Variants in NEK1 observed in about 807,000 individuals in gnomAD.
NEK1 encodes NIMA related kinase 1.
Under a neutral mutation model 182.1 loss-of-function variants are expected in NEK1, and 137 were observed. The observed-to-expected ratio is 0.75, with a 90% confidence interval of 0.65 to 0.87. NEK1 has a LOEUF of 0.87. NEK1 is among the 40% of genes least tolerant of loss of function. NEK1 has a pLI of 0.00. For synonymous variants in NEK1, 513 were observed against 492.2 expected (o/e 1.04, Z -0.56); for missense variants, 1,391 against 1,494.4 (o/e 0.93, Z 1.14).
intron 27 of NEK1, among the ~76,000 whole-genome samples, chr4:169,441,126 T>TAGGAAGGCTGCCCCTGGGAAAA (rs1216911126): frequency 6.6e-6 from 1 of 152,140 alleles, no homozygotes; most frequent in Non-Finnish European, 1.5e-5. Context: ...TGCAGCACAT[T>TAGGAAGGCTGCCCCTGGGAAAA]AGGAAGGCTG....
intron 35 of NEK1, among the ~76,000 whole-genome samples, chr4:169,398,974 G>A (rs1194468913): frequency 1.1e-4 from 16 of 152,150 alleles, no homozygotes; most frequent in Admixed American, 1.0e-3. Context: ...TTTGCCAGGT[G>A]CAGTGGCTCA....
intron 19 of NEK1, among the ~76,000 whole-genome samples, chr4:169,522,614 C>G (rs1411228701): frequency 6.6e-6 from 1 of 152,212 alleles, no homozygotes; most frequent in Non-Finnish European, 1.5e-5. Flanking sequence ...TTCCAGAGCT[C>G]CTGTTCAATC....
intron 26 of NEK1, among the ~76,000 whole-genome samples, chr4:169,473,407 C>T (rs956043536): frequency 1.3e-5 from 2 of 151,982 alleles, no homozygotes; most frequent in Non-Finnish European, 2.9e-5. Context: ...GGTACCAATA[C>T]CAATTACCTA....
At chr4:169,479,624 T>C in intron 23 of NEK1, 90 bp from the exon 24 acceptor site, 3 of 1,055,876 alleles carry the variant, frequency 2.8e-6, no homozygotes, top group African/African-American at 1.6e-5. Flanking sequence ...ATTTATCCAC[T>C]CTATCCACAA....
intron 18 of NEK1, among the ~76,000 whole-genome samples, chr4:169,541,485 A>G (rs72692918): frequency 1.3e-5 from 2 of 152,296 alleles, no homozygotes; most frequent in South Asian, 4.1e-4. Flanking sequence ...AAGAGGAAAA[A>G]TAACTACTAC....
chr4:169,497,887 T>C (rs1302815227), intron 23 of NEK1, among the ~76,000 whole-genome samples: 3 of 152,214 alleles, frequency 2.0e-5, no homozygotes, highest in South Asian at 2.1e-4. Flanking sequence ...TTCTGTTGAT[T>C]TGGGGTGGAG....
intron 19 of NEK1, among the ~76,000 whole-genome samples, chr4:169,533,969 G>T (rs1758062238): frequency 6.6e-6 from 1 of 152,182 alleles, no homozygotes; most frequent in Non-Finnish European, 1.5e-5. Flanking sequence ...GTCAAGGACA[G>T]AAAAATAGTC....
intron 2 of NEK1, among the ~76,000 whole-genome samples, chr4:169,607,509 C>T (rs1771552890): frequency 6.6e-6 from 1 of 152,058 alleles, no homozygotes; most frequent in African/African-American, 2.4e-5. Flanking sequence ...GTTGCCCAGG[C>T]TGGAGTGCAG....
At chr4:169,437,939 A>T in intron 28 of NEK1, 144 bp downstream of exon 28, 1 of 620,392 alleles carries the variant, frequency 1.6e-6, no homozygotes, top group South Asian at 3.5e-5. Flanking sequence ...AAAAAAGACC[A>T]ATAGCTAAAA....
intron 18 of NEK1, among the ~76,000 whole-genome samples, chr4:169,545,935 T>C (rs2149854384): frequency 6.6e-6 from 1 of 152,288 alleles, no homozygotes; most frequent in East Asian, 1.9e-4. Context: ...TACAAACAAA[T>C]GGAAGAACAT....
chr4:169,401,947 T>G (rs1186497083), intron 32 of NEK1, 87 bp from the exon 33 acceptor site: 14 of 1,144,508 alleles, frequency 1.2e-5, no homozygotes, highest in Non-Finnish European at 1.3e-5. Context: ...ACTGAAATTT[T>G]ACTTCTACTC....
chr4:169,600,516 T>G (rs1232563392), intron 4 of NEK1, among the ~76,000 whole-genome samples: 4 of 152,274 alleles, frequency 2.6e-5, no homozygotes, highest in Non-Finnish European at 5.9e-5. Flanking sequence ...TATTTATTTC[T>G]TATACTTTGT....
chr4:169,522,400 T>A (rs968619944), intron 19 of NEK1, among the ~76,000 whole-genome samples: 2 of 152,188 alleles, frequency 1.3e-5, no homozygotes, highest in African/African-American at 2.4e-5. Context: ...TCACACAAAT[T>A]GTGTTTTTGC....
chr4:169,599,297 C>CA (rs1449129387), intron 4 of NEK1, 100 bp from the exon 5 acceptor site: 2 of 777,100 alleles, frequency 2.6e-6, no homozygotes, highest in Middle Eastern at 2.5e-4. Context: ...AGCTGCTGAA[C>CA]AAAAAACAGG....
At chr4:169,469,933 A>G (rs1269404640) in intron 26 of NEK1, among the ~76,000 whole-genome samples, 2 of 139,102 alleles carry the variant, frequency 1.4e-5, no homozygotes, top group African/African-American at 5.3e-5. Flanking sequence ...AGAGACTAGG[A>G]TTGCAACCCC....
At chr4:169,542,678 T>G (rs1424476484) in intron 18 of NEK1, among the ~76,000 whole-genome samples, 1 of 138,904 alleles carries the variant, frequency 7.2e-6, no homozygotes, top group Non-Finnish European at 1.5e-5. Flanking sequence ...TTCCTGACTT[T>G]TTAATTATCA....
At chr4:169,504,755 G>A (rs1752955633) in intron 23 of NEK1, among the ~76,000 whole-genome samples, 1 of 152,178 alleles carries the variant, frequency 6.6e-6, no homozygotes, top group Admixed American at 6.5e-5. Flanking sequence ...ATGAAAGTGG[G>A]AATGGTTAAT....
intron 19 of NEK1, among the ~76,000 whole-genome samples, chr4:169,514,197 A>T (rs989081372): frequency 1.3e-5 from 2 of 152,100 alleles, no homozygotes; most frequent in African/African-American, 4.8e-5. Flanking sequence ...CATGTTAGCC[A>T]GGATGGTCTT....
At chr4:169,567,610 G>C (rs185130817) in intron 12 of NEK1, among the ~76,000 whole-genome samples, 1 of 152,102 alleles carries the variant, frequency 6.6e-6, no homozygotes, top group East Asian at 1.9e-4. Flanking sequence ...ATGTTGGTTA[G>C]GCAGGTCTCC....
Sources: allele counts gnomAD v4.1 joint callset (sites outside exome capture counted in the v4.1 genomes callset), GRCh38; gene constraint gnomAD v4.1.1; transcripts MANE v1.5; gene names NCBI Gene and HGNC (gene_info 2026-07-23, HGNC 2026-07-21).